CERT1: variants seen among roughly 807,000 people sequenced by gnomAD.
CERT1 encodes ceramide transporter 1.
A neutral mutation model predicts 87.9 loss-of-function variants in CERT1; 31 were observed. The ratio of observed to expected loss-of-function variants is 0.35; its 90% CI spans 0.27 to 0.48. The LOEUF (loss-of-function observed/expected upper bound fraction) is 0.48. Ranked by LOEUF, CERT1 falls within the 20% of genes least tolerant of loss-of-function variation. The pLI, the probability that CERT1 is intolerant of heterozygous loss-of-function variation, is 0.99. For synonymous variants in CERT1, 289 were observed against 250.9 expected, an observed-to-expected ratio of 1.15 and a Z score of -1.44; for missense variants, 487 against 758.0, an observed-to-expected ratio of 0.64 and a Z score of 4.20.
intron 5 of CERT1, among the ~76,000 whole-genome samples, chr5:75,422,814 G>A (rs1389315577): frequency 1.3e-5 from 2 of 152,100 alleles, no homozygotes; most frequent in African/African-American, 2.4e-5. Context: ...TCATTAGGAT[G>A]GGCACTAATC....
chr5:75,389,535 T>C, intron 12 of CERT1, 57 bp downstream of exon 12: 2 of 1,283,360 alleles, frequency 1.6e-6, no homozygotes, highest in East Asian at 2.3e-5. Context: ...ATAGTAATGA[T>C]AATATGACTG....
intron 3 of CERT1, among the ~76,000 whole-genome samples, chr5:75,444,548 C>CTTTTTTTTTTT (rs952234196): frequency 2.3e-4 from 30 of 128,770 alleles, no homozygotes; most frequent in Middle Eastern, 4.0e-3. Context: ...CTTTTCTTTT[C>CTTTTTTTTTTT]TTTTTTTTTT....
Position 75,511,602 on chromosome 5 carries a change from C to A in CERT1, c.-395G>T. 1.4e-6 allele frequency: 2 copies of A among 1,467,278 alleles called. No homozygotes were observed. The allele number at this position is 1,467,278 out of a possible 1,614,324, so 90.9% of individuals were successfully genotyped here. ...CGTCCACTCACACCTCCGCTACCGC[C>A]GCCATCTTCCTGCCTGGCCCACTAT... On this transcript the variant is annotated 5_prime_UTR_variant, in exon 1 of 17. Transcript: ENST00000643780.
chr5:75,421,169 C>G (rs1763361038), intron 5 of CERT1, among the ~76,000 whole-genome samples: 1 of 152,194 alleles, frequency 6.6e-6, no homozygotes, highest in Non-Finnish European at 1.5e-5. Flanking sequence ...ACATTTTAAA[C>G]TAATGTCTTA....
At chr5:75,470,382 T>A (rs1273422911) in intron 2 of CERT1, among the ~76,000 whole-genome samples, 1 of 152,078 alleles carries the variant, frequency 6.6e-6, no homozygotes, top group Non-Finnish European at 1.5e-5. Flanking sequence ...TAGAAGTCAA[T>A]AAAAGGAGGA....
intron 12 of CERT1, among the ~76,000 whole-genome samples, chr5:75,386,269 T>C (rs924464672): frequency 4.6e-5 from 7 of 152,180 alleles, no homozygotes; most frequent in African/African-American, 1.7e-4. Flanking sequence ...TGACTTATTG[T>C]GAGTTGTTTA....
intron 1 of CERT1, among the ~76,000 whole-genome samples, chr5:75,508,199 A>G (rs1429882672): frequency 2.6e-5 from 4 of 152,204 alleles, no homozygotes; most frequent in Non-Finnish European, 4.4e-5. Context: ...ACCACACTTC[A>G]TAAGGCTAAA....
At position 75,460,220 on chromosome 5, in the gene CERT1, T is replaced by G. The variant is rs1765168295; in HGVS notation, c.232-1039A>C. On this transcript the variant is annotated intron_variant, in intron 2 of 16. Transcript: ENST00000643780. The stretch of plus-strand genomic sequence containing the variant: ...TTAATAATTTTATTTCATTAAATAT[T>G]CTTGATATCTCATTTATCAAATCTT... Among the ~76,000 whole-genome samples, 7 of 152,208 alleles carry G rather than the reference T, an allele frequency of 4.6e-5. No individual in the cohort carries two copies. In the South Asian group the frequency reaches 1.4e-3, roughly 31 times the overall value.
chr5:75,428,975 G>A (rs1763747849), intron 3 of CERT1, among the ~76,000 whole-genome samples: 1 of 151,560 alleles, frequency 6.6e-6, no homozygotes, highest in African/African-American at 2.4e-5. Context: ...ATCCATAAAT[G>A]TTTCTAAATC....
At position 75,447,624 on chromosome 5, in the gene CERT1, C is replaced by A. The variant is rs111434235; in HGVS notation, c.348+11441G>T. 2.2e-3 allele frequency among the ~76,000 whole-genome samples: 327 copies of A among 151,978 alleles called. 1 individual carries two copies. The highest frequency in any genetic ancestry group is 7.8e-3 in the African/African-American group (323 of 41,450). Reference sequence around the variant, plus strand: ...TAGCTGGGACTACAGGTGCCCACCACCACGCCCAGCTAATCTTTTTTTTGT... The same window carrying A: ...TAGCTGGGACTACAGGTGCCCACCAACACGCCCAGCTAATCTTTTTTTTGT... On this transcript the variant is annotated intron_variant, in intron 3 of 16. Transcript: ENST00000643780.
At chr5:75,482,626 G>A (rs888520996) in intron 2 of CERT1, among the ~76,000 whole-genome samples, 1 of 152,320 alleles carries the variant, frequency 6.6e-6, no homozygotes, top group East Asian at 1.9e-4. Flanking sequence ...AGTCCCAGTG[G>A]TAGTGGCCAC....
chr5:75,474,198 C>G (rs1417193502), intron 2 of CERT1, among the ~76,000 whole-genome samples: 2 of 152,176 alleles, frequency 1.3e-5, no homozygotes, highest in Non-Finnish European at 2.9e-5. Context: ...GTGCATGCAG[C>G]CCCTGTCACG....
intron 3 of CERT1, among the ~76,000 whole-genome samples, chr5:75,449,843 C>T (rs561963334): frequency 6.6e-6 from 1 of 152,114 alleles, no homozygotes; most frequent in Non-Finnish European, 1.5e-5. Flanking sequence ...TATTATGAAG[C>T]AGCAGTCAAA....
chr5:75,430,862 C>A (rs939683619), intron 3 of CERT1, among the ~76,000 whole-genome samples: 1 of 152,044 alleles, frequency 6.6e-6, no homozygotes, highest in African/African-American at 2.4e-5. Context: ...TAAAGCGAGA[C>A]ACCATCTCTA....
At chr5:75,393,738 C>T (rs569642124) in intron 11 of CERT1, among the ~76,000 whole-genome samples, 3 of 150,756 alleles carry the variant, frequency 2.0e-5, no homozygotes, top group Admixed American at 6.6e-5. Context: ...GGCTGAGGCA[C>T]GCGGACCACG....
At chr5:75,398,027 A>G (rs1307355106) in intron 11 of CERT1, among the ~76,000 whole-genome samples, 1 of 151,960 alleles carries the variant, frequency 6.6e-6, no homozygotes, top group Non-Finnish European at 1.5e-5. Context: ...TCGAAAATAA[A>G]TAAGTAAAAT....
At chr5:75,421,630 T>C (rs1763380983) in intron 5 of CERT1, among the ~76,000 whole-genome samples, 1 of 152,170 alleles carries the variant, frequency 6.6e-6, no homozygotes, top group Non-Finnish European at 1.5e-5. Flanking sequence ...TTTTAAACCA[T>C]ACTCAGATAA....
intron 3 of CERT1, among the ~76,000 whole-genome samples, chr5:75,455,338 G>A (rs1267678759): frequency 6.6e-6 from 1 of 152,120 alleles, no homozygotes; most frequent in African/African-American, 2.4e-5. Context: ...CAACCAGCAG[G>A]ATGCAGAAAA....
chr5:75,381,269 A>G lies in CERT1; in HGVS notation c.1618-68T>C, dbSNP rs939590784. 3.2e-6 allele frequency: 5 copies of G among 1,565,298 alleles called. No homozygotes were observed. In the Admixed American group the frequency reaches 6.9e-5, roughly 22 times the overall value. ...TTGTAAACTCTGCTGGTCTAATATT[A>G]TATTAGGTTAACCAAAATCGTAACT... On this transcript the variant is annotated intron_variant, in intron 15 of 16. Transcript: ENST00000643780.
Sources: gnomAD v4.1 joint callset for allele counts (sites outside exome capture counted in the v4.1 genomes callset) on GRCh38, gnomAD v4.1.1 for gene constraint, MANE v1.5 for transcripts, NCBI Gene and HGNC (gene_info 2026-07-23, HGNC 2026-07-21) for gene names.